The following NLRP5 variants were observed in gnomAD, a reference collection of about 807,000 sequenced individuals.
The protein encoded by NLRP5 is NACHT, LRR and PYD domains-containing protein 5.
NLRP5 carries 93 observed loss-of-function variants against 113.1 expected under a neutral mutation model. The ratio of observed to expected loss-of-function variants is 0.82; its 90% confidence interval spans 0.70 to 0.98. The LOEUF (loss-of-function observed/expected upper bound fraction) is 0.98, where lower values mean the gene tolerates loss of function less well. Among genes scored for constraint, NLRP5 ranks in the 50% least tolerant of loss-of-function variants. NLRP5 has a pLI of 0.00. For synonymous variants in NLRP5, 751 were observed against 600.7 expected, an observed-to-expected ratio of 1.25 and a Z score of -3.66; for missense variants, 1,808 against 1,514.3, an observed-to-expected ratio of 1.19 and a Z score of -3.22.
intron 3 of NLRP5, 126 bp downstream of exon 3, chr19:56,008,979 A>C: frequency 1.3e-6 from 1 of 796,896 alleles, no homozygotes; most frequent in East Asian, 2.7e-5. Context: ...ACTACCCTAC[A>C]TTAGCTGACC....
Position 56,015,814 on chromosome 19 carries a change from C to T in NLRP5, c.565+16C>T, listed in dbSNP as rs765381555. On this transcript the variant is annotated intron_variant, in intron 4 of 14. Coordinates refer to ENST00000390649, the MANE Select transcript of NLRP5 (RefSeq NM_153447.4). Reference sequence around the variant, plus strand: ...AAAGAACAAGGTGAATGAAATAGATCTATTCATTTGTTGCCCTCCTGGAAG... The same window carrying T: ...AAAGAACAAGGTGAATGAAATAGATTTATTCATTTGTTGCCCTCCTGGAAG... 1 of 1,515,416 alleles carries T rather than the reference C, an allele frequency of 6.6e-7. No homozygotes were observed. Among genetic ancestry groups the T allele is most frequent in the Non-Finnish European group, 8.8e-7 (1 of 1,131,522 alleles). 93.9% of individuals were successfully genotyped at this position (1,515,416 alleles called of 1,614,324 possible). A position where few individuals can be genotyped will look rare whatever the true frequency, so the allele number is the denominator to read the frequency against.
intron 3 of NLRP5, among the ~76,000 whole-genome samples, chr19:56,009,557 C>G (rs1051788210): frequency 1.3e-5 from 2 of 152,078 alleles, no homozygotes; most frequent in African/African-American, 4.8e-5. Flanking sequence ...CCAGCCACTG[C>G]TCTGCGTATT....
rs753215445 is a variant in NLRP5 at position 56,027,172 on chromosome 19, C to T, written c.939C>T (p.Phe313=). The change falls in exon 7 of 15, where the codon TTC becomes TTT. Residue 313 remains phenylalanine (F), a synonymous_variant. Coordinates refer to ENST00000390649, the MANE Select transcript of NLRP5 (RefSeq NM_153447.4). ...AAGGTGGACTCTACCAGGGAATGTTCTCCTACGTCTTCTTCCTCCCCGTTA... is the reference window on the plus strand; with the variant it reads ...AAGGTGGACTCTACCAGGGAATGTTTTCCTACGTCTTCTTCCTCCCCGTTA... The T allele has an allele frequency of 1.9e-6, 3 of 1,606,590 alleles. No homozygotes were observed. The highest frequency in any genetic ancestry group is 2.5e-6 in the Non-Finnish European group (3 of 1,176,668).
At chr19:56,000,656 G>A (rs960648365) in intron 1 of NLRP5, among the ~76,000 whole-genome samples, 5 of 151,756 alleles carry the variant, frequency 3.3e-5, no homozygotes, top group East Asian at 2.0e-4. Context: ...GAGCCACTGC[G>A]CTCAGCCACC....
Position 56,030,831 on chromosome 19 carries a change from C to T in NLRP5, c.2277-1780C>T, listed in dbSNP as rs147523344. ...CTGGGTTCAAGCGATTCTCCTGCTT[C>T]GGCCTCCCTAGTAGCTGGACTACAG... On this transcript the variant is annotated intron_variant, in intron 7 of 14. Transcript: ENST00000390649. Among the ~76,000 whole-genome samples the T allele has an allele frequency of 3.4e-3, 504 of 148,942 alleles. 2 individuals carry two copies. Among genetic ancestry groups the T allele is most frequent in the African/African-American group, 0.012 (479 of 40,370 alleles).
intron 6 of NLRP5, among the ~76,000 whole-genome samples, chr19:56,021,106 G>A (rs1006700050): frequency 2.0e-5 from 3 of 151,986 alleles, no homozygotes; most frequent in East Asian, 1.9e-4. Context: ...TCCTGATCTC[G>A]TGATCTGCCC....
rs186074458 is a variant in NLRP5, at chr19:56,007,653, C to T, written c.443-1135C>T. The stretch of plus-strand genomic sequence containing the variant: ...TTGTAATAGCAAGTAGAAGCAATTA[C>T]ATAGTTTGAAAGGGGTGGTAATAGA... On this transcript the variant is annotated intron_variant, in intron 2 of 14. Coordinates refer to ENST00000390649, the MANE Select transcript of NLRP5 (RefSeq NM_153447.4). Among the ~76,000 whole-genome samples, 29 of 151,202 alleles carry T rather than the reference C, an allele frequency of 1.9e-4. 1 individual carries two copies. Among genetic ancestry groups the T allele is most frequent in the African/African-American group, 6.6e-4 (27 of 40,656 alleles).
At chr19:55,999,036 T>A (rs1232044630), upstream of NLRP5, among the ~76,000 whole-genome samples, 3 of 151,648 alleles carry the variant, frequency 2.0e-5, no homozygotes, top group Non-Finnish European at 4.4e-5. Context: ...GTGCAGGGGA[T>A]CCCTAAAACT....
intron 13 of NLRP5, among the ~76,000 whole-genome samples, chr19:56,055,755 C>T (rs1011155443): frequency 6.1e-5 from 9 of 147,908 alleles, no homozygotes; most frequent in African/African-American, 2.1e-4. Flanking sequence ...CCGTGTTAGC[C>T]AGGATGGTCT....
intron 10 of NLRP5, among the ~76,000 whole-genome samples, chr19:56,040,513 G>A (rs1181180900): frequency 1.3e-5 from 2 of 152,194 alleles, no homozygotes; most frequent in Non-Finnish European, 2.9e-5. Flanking sequence ...GTTGCAGTGA[G>A]CTGAGATCAT....
At chr19:56,005,642 A>G (rs10423411) in intron 2 of NLRP5, among the ~76,000 whole-genome samples, 26,739 of 141,220 alleles carry the variant, frequency 0.19, 2,991 homozygotes, top group African/African-American at 0.23. Context: ...ACACACACAC[A>G]CGCGCGCAGG....
At chr19:56,043,123 G>A (rs1400524519) in intron 11 of NLRP5, among the ~76,000 whole-genome samples, 2 of 152,186 alleles carry the variant, frequency 1.3e-5, no homozygotes, top group African/African-American at 4.8e-5. Flanking sequence ...TGGATGCCCA[G>A]TAGTGGGATT....
chr19:56,038,178 C>G lies in NLRP5; in HGVS notation c.2769C>G (p.Cys923Trp). The G allele has an allele frequency of 6.2e-7, 1 of 1,613,738 alleles. No homozygotes were observed. The highest frequency in any genetic ancestry group is 8.5e-7 in the Non-Finnish European group (1 of 1,179,728). ...GTGATGCCTTGAGAGTCTCCCAGTG[C>G]GCCCTGCAGAAGCTGATGTGAGTGC... The change falls in exon 10 of 15, where the codon TGC becomes TGG. Residue 923 changes from cysteine to tryptophan, a missense_variant. Cys to Trp is a radical substitution (Grantham distance 215, BLOSUM62 -2). Coordinates refer to ENST00000390649, the MANE Select transcript of NLRP5 (RefSeq NM_153447.4).
At chr19:55,998,658 A>ATGTGTGTGTG (rs145042875), upstream of NLRP5, among the ~76,000 whole-genome samples, 237 of 44,536 alleles carry the variant, frequency 5.3e-3, 3 homozygotes, top group East Asian at 0.035. Context: ...GTCTCAAAAT[A>ATGTGTGTGTG]TGTGTGTGTG....
chr19:56,006,819 A>T (rs1227866783), intron 2 of NLRP5, among the ~76,000 whole-genome samples: 2 of 151,620 alleles, frequency 1.3e-5, no homozygotes, highest in South Asian at 2.1e-4. Context: ...GGCTCACCGC[A>T]AGCTCCGCCT....
Position 56,012,009 on chromosome 19 carries a change from A to G in NLRP5, c.508+3156A>G, listed in dbSNP as rs138944064. On this transcript the variant is annotated intron_variant, in intron 3 of 14. Coordinates refer to ENST00000390649, the MANE Select transcript of NLRP5 (RefSeq NM_153447.4). ...ACCCAGCCTAGATCTTATAAATTCTATGTAAGTTCAGATTCTTTCATCTCT... is the reference window on the plus strand; with the variant it reads ...ACCCAGCCTAGATCTTATAAATTCTGTGTAAGTTCAGATTCTTTCATCTCT... Among the ~76,000 whole-genome samples, 648 of 151,954 alleles carry G rather than the reference A, an allele frequency of 4.3e-3. 6 individuals are homozygous for G. The highest frequency in any genetic ancestry group is 0.015 in the African/African-American group (612 of 41,464).
chr19:56,027,270 C>T lies in NLRP5; in HGVS notation c.1037C>T (p.Pro346Leu), dbSNP rs775858335. The T allele has an allele frequency of 1.2e-5, 19 of 1,612,162 alleles. No individual in the cohort carries two copies. Among genetic ancestry groups the T allele is most frequent in the Middle Eastern group, 1.7e-4 (1 of 6,060 alleles). The change falls in exon 7 of 15, where the codon CCG becomes CTG. Residue 346 changes from proline (P) to leucine (L), a missense_variant. By Grantham distance (98) the Pro-to-Leu change is moderately conservative (BLOSUM62 -3). Coordinates refer to ENST00000390649, the MANE Select transcript of NLRP5 (RefSeq NM_153447.4). ...AGGGAGTGGCCAGACTCCCAGGCTC[C>T]GGTGACGGAGATCATGTCCCGACCA...
At chr19:56,060,017 G>A (rs1984293869) in intron 14 of NLRP5, among the ~76,000 whole-genome samples, 1 of 152,182 alleles carries the variant, frequency 6.6e-6, no homozygotes, top group Non-Finnish European at 1.5e-5. Flanking sequence ...GATGAGGAAG[G>A]TGAATTGAGA....
intron 6 of NLRP5, among the ~76,000 whole-genome samples, chr19:56,021,569 C>G (rs2123295052): frequency 6.6e-6 from 1 of 152,274 alleles, no homozygotes; most frequent in East Asian, 1.9e-4. Flanking sequence ...TAGATGGAAT[C>G]ATATGATATG....
Sources: allele counts gnomAD v4.1 joint callset (sites outside exome capture counted in the v4.1 genomes callset), GRCh38; gene constraint gnomAD v4.1.1; transcripts MANE v1.5; gene names NCBI Gene and HGNC (gene_info 2026-07-23, HGNC 2026-07-21).